DCDC1: variants seen among roughly 807,000 people sequenced by gnomAD.
The protein encoded by DCDC1 is doublecortin domain-containing protein 1.
A neutral mutation model predicts 178.3 loss-of-function variants in DCDC1; 200 were observed. The observed-to-expected ratio is 1.12, with a 90% CI of 1.00 to 1.26. The LOEUF is 1.26. Among genes scored for constraint, DCDC1 ranks in the 50% most tolerant of loss-of-function variants. The pLI is 0.00. For synonymous variants in DCDC1, 690 were observed against 604.8 expected, an observed-to-expected ratio of 1.14 and a Z score of -2.07; for missense variants, 1,983 against 1,749.2, an observed-to-expected ratio of 1.13 and a Z score of -2.38.
intron 36 of DCDC1, among the ~76,000 whole-genome samples, chr11:30,891,215 T>C (rs996418126): frequency 1.3e-5 from 2 of 152,186 alleles, no homozygotes; most frequent in African/African-American, 2.4e-5. Flanking sequence ...ATAGCACTAT[T>C]AAGTTTACAA....
At chr11:31,294,858 GA>G (rs1947563066) in intron 6 of DCDC1, among the ~76,000 whole-genome samples, 2 of 118,888 alleles carry the variant, frequency 1.7e-5, no homozygotes, top group African/African-American at 3.2e-5. Flanking sequence ...AAGAAAGAAA[GA>G]AAGAAAGAAA....
At chr11:31,092,889 T>A (rs1486180608) in intron 16 of DCDC1, among the ~76,000 whole-genome samples, 2 of 152,166 alleles carry the variant, frequency 1.3e-5, no homozygotes, top group Non-Finnish European at 2.9e-5. Flanking sequence ...TAGAGGAGTG[T>A]TTTATATCAC....
At chr11:31,009,046 G>A (rs938673318) in intron 20 of DCDC1, among the ~76,000 whole-genome samples, 4 of 152,086 alleles carry the variant, frequency 2.6e-5, no homozygotes, top group Admixed American at 2.6e-4. Flanking sequence ...GACCACTACT[G>A]CAATAGTAGA....
At chr11:31,359,308 A>G (rs1951575712) in intron 1 of DCDC1, among the ~76,000 whole-genome samples, 1 of 151,992 alleles carries the variant, frequency 6.6e-6, no homozygotes, top group African/African-American at 2.4e-5. Flanking sequence ...ATTGGAAATC[A>G]TCATTCTCGG....
chr11:30,922,156 G>A (rs537964082), intron 24 of DCDC1, among the ~76,000 whole-genome samples: 31 of 152,304 alleles, frequency 2.0e-4, no homozygotes, highest in East Asian at 1.7e-3. Flanking sequence ...GGAACTTAAC[G>A]TGAGATTCTG....
At chr11:31,250,421 CATATATATGTATAT>C in intron 8 of DCDC1, among the ~76,000 whole-genome samples, 1 of 52,958 alleles carries the variant, frequency 1.9e-5, no homozygotes, top group South Asian at 8.7e-4. Context: ...CACACATATA[CATATATATGTATAT>C]ATATATATAT....
chr11:31,199,100 C>T (rs74587344), intron 9 of DCDC1, among the ~76,000 whole-genome samples: 1 of 152,032 alleles, frequency 6.6e-6, no homozygotes, highest in East Asian at 1.9e-4. Flanking sequence ...AGTTATTTAA[C>T]TAAAATCCCA....
chr11:31,181,690 C>T (rs554755261), intron 9 of DCDC1, among the ~76,000 whole-genome samples: 7 of 152,214 alleles, frequency 4.6e-5, no homozygotes, highest in East Asian at 1.9e-4. Context: ...AAAAGGATGT[C>T]CACACAGAAA....
intron 7 of DCDC1, among the ~76,000 whole-genome samples, chr11:31,279,308 T>A (rs1356460087): frequency 6.6e-6 from 1 of 151,674 alleles, no homozygotes; most frequent in Non-Finnish European, 1.5e-5. Flanking sequence ...AAAGCACTAT[T>A]CCCGATCACA....
intron 6 of DCDC1, among the ~76,000 whole-genome samples, chr11:31,304,670 A>G (rs1025150026): frequency 3.3e-5 from 5 of 152,136 alleles, no homozygotes; most frequent in Non-Finnish European, 7.4e-5. Context: ...TCTGTAATGA[A>G]CTCCAGAATT....
At chr11:31,200,184 T>G (rs772988181) in intron 9 of DCDC1, among the ~76,000 whole-genome samples, 1 of 152,064 alleles carries the variant, frequency 6.6e-6, no homozygotes, top group Non-Finnish European at 1.5e-5. Context: ...GAATTTTAAT[T>G]AAGGAAAGTA....
chr11:31,244,678 T>C (rs1016178710), intron 8 of DCDC1, among the ~76,000 whole-genome samples: 1 of 151,776 alleles, frequency 6.6e-6, no homozygotes, highest in Non-Finnish European at 1.5e-5. Context: ...CATTTCATAT[T>C]AAATGGTTTG....
intron 20 of DCDC1, among the ~76,000 whole-genome samples, chr11:30,984,649 A>G (rs1270572962): frequency 1.3e-5 from 2 of 152,208 alleles, no homozygotes; most frequent in African/African-American, 4.8e-5. Context: ...TCAATCCCCA[A>G]GGATTTGCAA....
chr11:31,363,357 A>G (rs1044280382), intron 1 of DCDC1, among the ~76,000 whole-genome samples: 6 of 152,224 alleles, frequency 3.9e-5, no homozygotes, highest in East Asian at 3.9e-4. Context: ...TTTTAAAACA[A>G]GAGTTATTGC....
Position 31,089,158 on chromosome 11 carries a change from T to A in DCDC1, c.2237+2235A>T, listed in dbSNP as rs568330986. On this transcript the variant is annotated intron_variant, in intron 17 of 38. Transcript: ENST00000684477. ...TCAGTTTGTGAATATCTTAAGGTCT[T>A]TATATTGCCTTAATTTTTGAAAGAC... Among the ~76,000 whole-genome samples the A allele has an allele frequency of 5.9e-5, 9 of 152,292 alleles. No individual in the cohort carries two copies. The East Asian group carries it at 1.7e-3, about 29-fold the overall frequency.
At chr11:31,114,673 T>A (rs1026446970) in intron 11 of DCDC1, among the ~76,000 whole-genome samples, 2 of 152,124 alleles carry the variant, frequency 1.3e-5, no homozygotes, top group Non-Finnish European at 2.9e-5. Context: ...GTAAGGAAGC[T>A]ACTGTGACTG....
chr11:31,100,097 GGGTGT>G (rs1958410657), intron 15 of DCDC1, among the ~76,000 whole-genome samples: 1 of 152,152 alleles, frequency 6.6e-6, no homozygotes, highest in Non-Finnish European at 1.5e-5. Flanking sequence ...AGAGAAGGCT[GGGTGT>G]GGTGACAAAG....
intron 6 of DCDC1, among the ~76,000 whole-genome samples, chr11:31,294,121 T>G (rs1300942590): frequency 3.3e-5 from 5 of 152,174 alleles, no homozygotes; most frequent in Admixed American, 2.6e-4. Context: ...GAGCTGCTTG[T>G]GCAGTTCACA....
chr11:31,297,425 T>G (rs1266074628), intron 6 of DCDC1, among the ~76,000 whole-genome samples: 1 of 152,032 alleles, frequency 6.6e-6, no homozygotes, highest in African/African-American at 2.4e-5. Flanking sequence ...AGTGGCATGA[T>G]CTCGACTCAC....
Sources: allele counts gnomAD v4.1 joint callset (sites outside exome capture counted in the v4.1 genomes callset), GRCh38; gene constraint gnomAD v4.1.1; transcripts MANE v1.5; gene names NCBI Gene and HGNC (gene_info 2026-07-23, HGNC 2026-07-21).